The following DHX32 variants were observed in gnomAD, a reference collection of about 807,000 sequenced individuals.
The protein encoded by DHX32 is DEAH-box helicase 32 (putative), also known as putative pre-mRNA-splicing factor ATP-dependent RNA helicase DHX32.
Under a neutral mutation model 70.0 loss-of-function variants are expected in DHX32, and 51 were observed. The observed-to-expected ratio is 0.73, with a 90% CI of 0.58 to 0.92. The LOEUF is 0.92. Among genes scored for constraint, DHX32 ranks in the 40% least tolerant of loss-of-function variants. The pLI is 0.00. For synonymous variants in DHX32, 310 were observed against 315.3 expected (o/e 0.98, Z 0.18); for missense variants, 762 against 891.8 (o/e 0.85, Z 1.85).
rs4991184 is a variant in DHX32 at position 125,890,085 on chromosome 10, G to A, written c.-248+6133C>T. On this transcript the variant is annotated intron_variant, in intron 1 of 2. Transcript: ENST00000415732. ...TTCCAGACTACATTTTTAAAAATAGGCTCACGTTGCATCACTGGGGGTTGA... is the reference window on the plus strand; with the variant it reads ...TTCCAGACTACATTTTTAAAAATAGACTCACGTTGCATCACTGGGGGTTGA... Among the ~76,000 whole-genome samples the A allele has an allele frequency of 3.3e-5, 5 of 152,380 alleles. No individual in the cohort carries two copies. In the East Asian group the frequency reaches 7.7e-4, roughly 24 times the overall value.
At chr10:125,893,909 A>G (rs1944386144) in intron 1 of DHX32, among the ~76,000 whole-genome samples, 1 of 152,260 alleles carries the variant, frequency 6.6e-6, no homozygotes, top group South Asian at 2.1e-4. Flanking sequence ...ACCTCCCACT[A>G]AAGTTATTTC....
chr10:125,864,035 G>A (rs749000502), intron 2 of DHX32, among the ~76,000 whole-genome samples: 2 of 152,182 alleles, frequency 1.3e-5, no homozygotes, highest in Non-Finnish European at 2.9e-5. Flanking sequence ...TTACAAGTGA[G>A]TAAGTGGTGG....
At chr10:125,888,348 A>G (rs1231767859) in intron 1 of DHX32, among the ~76,000 whole-genome samples, 6 of 152,108 alleles carry the variant, frequency 3.9e-5, no homozygotes, top group African/African-American at 1.4e-4. Flanking sequence ...GACTATAGGA[A>G]CACACCACCA....
intron 1 of DHX32, among the ~76,000 whole-genome samples, chr10:125,877,617 C>T (rs1210343072): frequency 2.6e-5 from 4 of 151,982 alleles, no homozygotes; most frequent in Non-Finnish European, 4.4e-5. Context: ...AACCGGGAGA[C>T]GGAGGTCATA....
Position 125,838,279 on chromosome 10 carries a change from ACT to A in DHX32, c.1988_1989del (p.Glu663ValfsTer6), listed in dbSNP as rs758523082. 2 of 1,613,556 alleles carry A rather than the reference ACT, an allele frequency of 1.2e-6. No individual in the cohort carries two copies. Among genetic ancestry groups the A allele is most frequent in the Non-Finnish European group, 1.7e-6 (2 of 1,179,890 alleles). ...ATGCTGAATTTATGGAAGAGGACCC[ACT>A]CTGGCATCTTCTTGGTGATTGAGTA... ...SGYSITKKMP[E>X]WVLFHKFSIS... is the part of the protein sequence containing the mutation. On this transcript the variant is annotated frameshift_variant, in exon 10 of 11. Transcript: ENST00000284690. LOFTEE classifies it high-confidence loss of function.
At chr10:125,843,966 C>G (rs1346806939) in intron 6 of DHX32, among the ~76,000 whole-genome samples, 1 of 152,160 alleles carries the variant, frequency 6.6e-6, no homozygotes, top group African/African-American at 2.4e-5. Flanking sequence ...TGAATGTTTT[C>G]CCATCAAGAT....
In DHX32 at chr10:125,841,813, C is replaced by T. The variant is rs374870912; in HGVS notation, c.1473G>A (p.Ser491=). The change falls in exon 7 of 11, where the codon TCG becomes TCA. Residue 491 remains serine (S), a synonymous_variant. Coordinates refer to ENST00000284690, the MANE Select transcript of DHX32 (RefSeq NM_018180.3). ...MSEFPLDPQL[S]KSILASCEFD... ...ATTCACAGGACGCTAAGATAGACTT[C>T]GAGAGTTGTGGATCAAGAGGAAACT... 9.3e-5 allele frequency: 150 copies of T among 1,613,532 alleles called. No homozygotes were observed. Among genetic ancestry groups the T allele is most frequent in the Non-Finnish European group, 1.2e-4 (143 of 1,179,970 alleles).
intron 4 of DHX32, chr10:125,853,498 C>T (rs1944118526): frequency 4.3e-6 from 1 of 233,918 alleles, no homozygotes; most frequent in African/African-American, 2.3e-5. Flanking sequence ...CCAAAATTTG[C>T]TAAAATTAAA....
intron 3 of DHX32, among the ~76,000 whole-genome samples, chr10:125,855,538 T>C (rs991855681): frequency 1.4e-5 from 2 of 147,718 alleles, no homozygotes; most frequent in African/African-American, 5.0e-5. Flanking sequence ...AAGCTCTGCC[T>C]CTCAGGTTCA....
chr10:125,888,148 ATTATGT>A (rs1460765065), intron 1 of DHX32, among the ~76,000 whole-genome samples: 1 of 151,508 alleles, frequency 6.6e-6, no homozygotes, highest in Non-Finnish European at 1.5e-5. Context: ...TTTAAAAATT[ATTATGT>A]TTATATTACC....
At position 125,859,050 on chromosome 10, in the gene DHX32, T is replaced by G. The variant is rs868216091; in HGVS notation, c.849+553A>C. On this transcript the variant is annotated intron_variant, in intron 3 of 10. Transcript: ENST00000284690. Reference sequence around the variant, plus strand: ...TTTTTTTTGTTTGTTTGTTTGTTTTTTTTTTTTTTTTTTAATCTTTTAAGA... The same window carrying G: ...TTTTTTTTGTTTGTTTGTTTGTTTTGTTTTTTTTTTTTTAATCTTTTAAGA... 7.9e-3 allele frequency among the ~76,000 whole-genome samples: 1,162 copies of G among 147,918 alleles called. 8 individuals are homozygous for G. The highest frequency in any genetic ancestry group is 0.019 in the African/African-American group (778 of 40,424).
chr10:125,867,242 C>G (rs1417518346), intron 1 of DHX32, 59 bp from the exon 2 acceptor site: 4 of 1,401,514 alleles, frequency 2.9e-6, no homozygotes, highest in Non-Finnish European at 3.9e-6. Flanking sequence ...CAAGAGACAT[C>G]TCTGTCTTAC....
intron 4 of DHX32, 55 bp downstream of exon 4, chr10:125,853,906 A>C: frequency 6.4e-7 from 1 of 1,568,202 alleles, no homozygotes; most frequent in Non-Finnish European, 8.6e-7. Flanking sequence ...GGAAACTGAG[A>C]AACTAGTGCT....
At chr10:125,859,032 TG>T (rs1244913159) in intron 3 of DHX32, among the ~76,000 whole-genome samples, 32 of 143,682 alleles carry the variant, frequency 2.2e-4, no homozygotes, top group African/African-American at 6.7e-4. Context: ...TTTTTTTTTT[TG>T]TTTGTTTGTT....
At chr10:125,878,129 T>C (rs1455225154) in intron 1 of DHX32, among the ~76,000 whole-genome samples, 1 of 152,182 alleles carries the variant, frequency 6.6e-6, no homozygotes, top group African/African-American at 2.4e-5. Context: ...TTATTAACTA[T>C]CTAATGTTGG....
At chr10:125,845,172 C>T (rs763165533) in intron 6 of DHX32, among the ~76,000 whole-genome samples, 39 of 152,148 alleles carry the variant, frequency 2.6e-4, no homozygotes, top group Non-Finnish European at 2.1e-4. Flanking sequence ...CAGCCCCACG[C>T]GGCATGTTTC....
At chr10:125,892,562 G>C (rs77468699) in intron 1 of DHX32, among the ~76,000 whole-genome samples, 513 of 137,952 alleles carry the variant, frequency 3.7e-3, no homozygotes, top group African/African-American at 0.017. Context: ...CCACGGCTTA[G>C]TTGTTCTCCC....
chr10:125,881,607 T>A (rs2134074552), upstream of DHX32, among the ~76,000 whole-genome samples: 1 of 152,356 alleles, frequency 6.6e-6, no homozygotes, highest in East Asian at 1.9e-4. Context: ...GGGAATGAAT[T>A]TATTATTTCC....
At chr10:125,879,610 T>C (rs1944305465) in intron 1 of DHX32, among the ~76,000 whole-genome samples, 1 of 152,232 alleles carries the variant, frequency 6.6e-6, no homozygotes, top group African/African-American at 2.4e-5. Flanking sequence ...GAGTGCTGCG[T>C]AATTCATGAG....
Sources: allele counts gnomAD v4.1 joint callset (sites outside exome capture counted in the v4.1 genomes callset), GRCh38; gene constraint gnomAD v4.1.1; transcripts MANE v1.5; gene names NCBI Gene and HGNC (gene_info 2026-07-23, HGNC 2026-07-21).